Variants in COMMD9 observed in about 807,000 individuals in gnomAD.
COMMD9 encodes the protein COMM domain containing 9, also known as COMM domain-containing protein 9.
A neutral mutation model predicts 23.4 loss-of-function variants in COMMD9; 22 were observed. The observed-to-expected ratio is 0.94, with a 90% CI of 0.67 to 1.34. The LOEUF is 1.34. Ranked by LOEUF, COMMD9 falls within the 40% of genes most tolerant of loss-of-function variation. The pLI, the probability that COMMD9 is intolerant of heterozygous loss-of-function variation, is 0.00. For missense variants in COMMD9, 231 were observed against 240.2 expected (o/e 0.96, Z 0.25); for synonymous variants, 99 against 97.4 (o/e 1.02, Z -0.10).
At chr11:36,281,967 C>A (rs1276375232) in intron 1 of COMMD9, among the ~76,000 whole-genome samples, 1 of 151,954 alleles carries the variant, frequency 6.6e-6, no homozygotes, top group Non-Finnish European at 1.5e-5. Context: ...TACAGAACAA[C>A]AAAATGGAAA....
chr11:36,275,137 G>C (rs1008476059), intron 5 of COMMD9, among the ~76,000 whole-genome samples: 15 of 152,350 alleles, frequency 9.8e-5, no homozygotes, highest in African/African-American at 3.6e-4. Flanking sequence ...AGACAATCCT[G>C]CATTGGGATG....
Position 36,277,104 on chromosome 11 carries a change from C to T in COMMD9, c.337G>A (p.Ala113Thr). ...LEHVSTWRTE[A>T]QANQISLPRL... The stretch of plus-strand genomic sequence containing the variant: ...TGGTACTCACTCTGATTTGCCTGGG[C>T]TTCGGTTCTCCAAGTAGACCTGTTT... The change falls in exon 4 of 6, where the codon GCC becomes ACC. Residue 113 changes from alanine (A) to threonine (T), a missense_variant. Transcript: ENST00000263401. The T allele has an allele frequency of 1.2e-6, 2 of 1,605,632 alleles. No individual in the cohort carries two copies. The highest frequency in any genetic ancestry group is 1.1e-5 in the South Asian group (1 of 89,616).
chr11:36,278,993 A>G (rs1315126874), intron 2 of COMMD9, among the ~76,000 whole-genome samples: 1 of 152,158 alleles, frequency 6.6e-6, no homozygotes, highest in Non-Finnish European at 1.5e-5. Context: ...CTGTGTTACT[A>G]AGCAACACTG....
intron 1 of COMMD9, among the ~76,000 whole-genome samples, chr11:36,283,340 A>G (rs903138411): frequency 1.3e-5 from 2 of 152,230 alleles, no homozygotes; most frequent in African/African-American, 4.8e-5. Flanking sequence ...GTTTTCTATT[A>G]TGTTTGAAGG....
rs1401976821 is a variant in COMMD9, at chr11:36,274,262, A to AAAT, written c.*367_*369dup. 7 of 479,584 alleles carry AAAT rather than the reference A, an allele frequency of 1.5e-5. No individual in the cohort carries two copies. Among genetic ancestry groups the AAAT allele is most frequent in the African/African-American group, 7.8e-5 (4 of 51,138 alleles). 29.7% of individuals were successfully genotyped at this position (479,584 alleles called of 1,614,324 possible). A position where few individuals can be genotyped will look rare whatever the true frequency, so the allele number is the denominator to read the frequency against. ...ATGAACTAATTAGAGCTAATGTTGG[A>AAAT]AATAAACTTACTTATTGGATAGGCT... is the stretch of plus-strand genomic sequence containing the variant. On this transcript the variant is annotated 3_prime_UTR_variant, in exon 6 of 6. Transcript: ENST00000263401.
rs539643130 is a variant in COMMD9 at position 36,279,847 on chromosome 11, T to C, written c.177+865A>G. On this transcript the variant is annotated intron_variant, in intron 2 of 5. Transcript: ENST00000263401. ...TAGGCCAGGTGCAGTGGCTCATGCCTGTAATCCCAGCACTTTGGGAGGCTG... is the reference window on the plus strand; with the variant it reads ...TAGGCCAGGTGCAGTGGCTCATGCCCGTAATCCCAGCACTTTGGGAGGCTG... Among the ~76,000 whole-genome samples the C allele has an allele frequency of 2.4e-4, 36 of 152,340 alleles. No individual in the cohort carries two copies. In the Middle Eastern group the frequency reaches 0.014, roughly 58 times the overall value.
rs1855909614 is a variant in COMMD9 at position 36,273,370 on chromosome 11, TGTGAGGC to T, written c.*1255_*1261del. ...GGGGAATCTTCACACATGGAGTCCC[TGTGAGGC>T]GTGAGGCACATGACAGAGATGATCT... On this transcript the variant is annotated 3_prime_UTR_variant, in exon 6 of 6. Coordinates refer to ENST00000263401, the MANE Select transcript of COMMD9 (RefSeq NM_014186.4). 6.6e-6 allele frequency: 1 copy of T among 152,270 alleles called. No individual in the cohort carries two copies. Among genetic ancestry groups the T allele is most frequent in the Admixed American group, 6.5e-5 (1 of 15,284 alleles). 9.4% of individuals were successfully genotyped at this position (152,270 alleles called of 1,614,324 possible).
chr11:36,280,856 A>G lies in COMMD9; in HGVS notation c.52-19T>C. 1 of 1,532,374 alleles carries G rather than the reference A, an allele frequency of 6.5e-7. No homozygotes were observed. Among genetic ancestry groups the G allele is most frequent in the Non-Finnish European group, 8.8e-7 (1 of 1,137,868 alleles). The allele number at this position is 1,532,374 out of a possible 1,614,324, so 94.9% of individuals were successfully genotyped here. A position where few individuals can be genotyped will look rare whatever the true frequency, so the allele number is the denominator to read the frequency against. On this transcript the variant is annotated intron_variant, in intron 1 of 5. Coordinates refer to ENST00000263401, the MANE Select transcript of COMMD9 (RefSeq NM_014186.4). ...AGGAGGCCTATGAATTAAATCACAG[A>G]TAGGAAAAAAAAAAACTCAGACTCT...
intron 3 of COMMD9, among the ~76,000 whole-genome samples, chr11:36,277,455 T>C (rs1255823783): frequency 1.3e-5 from 2 of 152,216 alleles, no homozygotes; most frequent in African/African-American, 4.8e-5. Context: ...CTTCTCTTTA[T>C]TGAGCACCTA....
intron 2 of COMMD9, among the ~76,000 whole-genome samples, chr11:36,279,122 A>C (rs1856024316): frequency 6.6e-6 from 1 of 152,104 alleles, no homozygotes; most frequent in Non-Finnish European, 1.5e-5. Context: ...TGCTTACTGA[A>C]CCGTGACACA....
At chr11:36,285,747 T>C (rs1856140614) in intron 1 of COMMD9, among the ~76,000 whole-genome samples, 1 of 152,150 alleles carries the variant, frequency 6.6e-6, no homozygotes, top group South Asian at 2.1e-4. Flanking sequence ...GCTGGTTCAG[T>C]ATTTGCAAAT....
chr11:36,289,357 CT>C lies in COMMD9; in HGVS notation c.51+4del. 1 of 1,551,614 alleles carries C rather than the reference CT, an allele frequency of 6.4e-7. No homozygotes were observed. The highest frequency in any genetic ancestry group is 1.2e-5 in the South Asian group (1 of 84,034). On this transcript the variant is annotated splice_donor_region_variant and intron_variant, in intron 1 of 5. Transcript: ENST00000263401. ...CCTCACGCTGTCCCCACCCCTTCGACTTACCTTGAGCAGGCTCTGGAGTGCT... is the reference window on the plus strand; with the variant it reads ...CCTCACGCTGTCCCCACCCCTTCGACTACCTTGAGCAGGCTCTGGAGTGCT...
intron 1 of COMMD9, among the ~76,000 whole-genome samples, chr11:36,285,529 C>T (rs1565357699): frequency 1.3e-5 from 2 of 152,088 alleles, no homozygotes; most frequent in Admixed American, 1.3e-4. Flanking sequence ...TAGTATTACC[C>T]TGATACCAAA....
At chr11:36,277,328 G>C (rs2289985) in intron 3 of COMMD9, among the ~76,000 whole-genome samples, 16,941 of 152,102 alleles carry the variant, frequency 0.11, 1,194 homozygotes, top group East Asian at 0.2. Context: ...CCTAAGTGTT[G>C]TCAGTTTTCA....
Position 36,272,593 on chromosome 11 carries a change from C to G in COMMD9, c.*2039G>C, listed in dbSNP as rs778221933. 6.6e-6 allele frequency: 1 copy of G among 152,206 alleles called. No individual in the cohort carries two copies. The highest frequency in any genetic ancestry group is 6.5e-5 in the Admixed American group (1 of 15,280). The allele number at this position is 152,206 out of a possible 1,614,324, so 9.4% of individuals were successfully genotyped here. On this transcript the variant is annotated 3_prime_UTR_variant, in exon 6 of 6. Coordinates refer to ENST00000263401, the MANE Select transcript of COMMD9 (RefSeq NM_014186.4). ...CCAGGGGCTCTCAACTTGGAAGTAG[C>G]GGGCTGGCTTCTGGGGTCCTTGACC... is the stretch of plus-strand genomic sequence containing the variant.
chr11:36,284,001 G>T (rs1040236108), intron 1 of COMMD9, among the ~76,000 whole-genome samples: 1 of 152,098 alleles, frequency 6.6e-6, no homozygotes, highest in African/African-American at 2.4e-5. Context: ...AGCTACTCAG[G>T]AGGCTGAGGC....
intron 2 of COMMD9, 29 bp downstream of exon 2, chr11:36,280,683 G>A (rs770751672): frequency 6.5e-7 from 1 of 1,547,472 alleles, no homozygotes; most frequent in South Asian, 1.2e-5. Context: ...GAGGGCCAGT[G>A]GCCAAAGATC....
Position 36,274,444 on chromosome 11 carries a change from G to A in COMMD9, c.*188C>T. ...AGCTTCAGAAAGAGAAAGAAGATGA[G>A]TGAGAACAGCGGGGGATCTGGCTGC... is the stretch of plus-strand genomic sequence containing the variant. On this transcript the variant is annotated 3_prime_UTR_variant, in exon 6 of 6. Transcript: ENST00000263401. The A allele has an allele frequency of 2.6e-6, 2 of 779,078 alleles. No homozygotes were observed. Among genetic ancestry groups the A allele is most frequent in the Non-Finnish European group, 4.5e-6 (2 of 445,244 alleles). The allele number at this position is 779,078 out of a possible 1,614,324, so 48.3% of individuals were successfully genotyped here.
chr11:36,274,852 C>A (rs1855944882), intron 5 of COMMD9, 80 bp from the exon 6 acceptor site: 4 of 1,555,076 alleles, frequency 2.6e-6, no homozygotes, highest in Non-Finnish European at 3.5e-6. Flanking sequence ...ACCTGCGAGG[C>A]TGAGCTCAGT....
Sources: gnomAD v4.1 joint callset for allele counts (sites outside exome capture counted in the v4.1 genomes callset) on GRCh38, gnomAD v4.1.1 for gene constraint, MANE v1.5 for transcripts, NCBI Gene and HGNC (gene_info 2026-07-23, HGNC 2026-07-21) for gene names.